The following GLA variants were observed in gnomAD, a reference collection of about 807,000 sequenced individuals.
GLA encodes galactosidase alpha.
Under a neutral mutation model 28.2 loss-of-function variants are expected in GLA, and 4 were observed. That is an observed-to-expected ratio of 0.14 (90% CI 0.07 to 0.32). GLA has a LOEUF of 0.32. Among genes scored for constraint, GLA ranks in the 10% least tolerant of loss-of-function variants. The probability of loss-of-function intolerance (pLI) is 1.00; values close to 1 mark genes in which losing one functional copy is unlikely to be tolerated. For missense variants in GLA, 203 were observed against 323.7 expected, an observed-to-expected ratio of 0.63 and a Z score of 2.86; for synonymous variants, 94 against 113.0, an observed-to-expected ratio of 0.83 and a Z score of 1.07.
At chrX:101,400,567 A>G (rs1170488122) in intron 4 of GLA, 99 bp downstream of exon 4, 14 of 525,789 alleles carry the variant, frequency 2.7e-5, no homozygotes, top group Non-Finnish European at 4.8e-5. Context: ...GTAGGATGAT[A>G]GTAAGTAACG....
In GLA at chrX:101,399,553, C is replaced by A. The variant is rs185121865; in HGVS notation, c.640-607G>T. ...CACTCTAGCCTGGGTGACAGTGAGACTCTGTCGCAAAAAAAAAGTTTGTAG... is the reference window on the plus strand; with the variant it reads ...CACTCTAGCCTGGGTGACAGTGAGAATCTGTCGCAAAAAAAAAGTTTGTAG... On this transcript the variant is annotated intron_variant, in intron 4 of 6. Coordinates refer to ENST00000218516, the MANE Select transcript of GLA (RefSeq NM_000169.3). Among the ~76,000 whole-genome samples, 107 of 111,033 alleles carry A rather than the reference C, an allele frequency of 9.6e-4. No individual in the cohort carries two copies. The highest frequency in any genetic ancestry group is 9.2e-4 in the Non-Finnish European group (49 of 53,139).
chrX:101,402,372 C>T (rs1928346187), intron 2 of GLA, among the ~76,000 whole-genome samples: 1 of 112,061 alleles, frequency 8.9e-6, no homozygotes, highest in Admixed American at 9.5e-5. Context: ...CATCCACTGA[C>T]CCCCTCAATC....
chrX:101,402,653 C>A (rs896985037), intron 2 of GLA, among the ~76,000 whole-genome samples: 1 of 111,201 alleles, frequency 9.0e-6, no homozygotes, highest in Non-Finnish European at 1.9e-5. Context: ...GTCCCAGCTA[C>A]TTGGGAGGCT....
At position 101,407,878 on chromosome X, in the gene GLA, T is replaced by C. The variant is rs1555987214; in HGVS notation, c.26A>G (p.His9Arg). 2 of 1,209,106 alleles carry C rather than the reference T, an allele frequency of 1.7e-6. No individual in the cohort carries two copies. The highest frequency in any genetic ancestry group is 2.2e-6 in the Non-Finnish European group (2 of 894,173). ...GCGAAGCGCAAGCGCGCAGCCCAGA[T>C]GTAGTTCTGGGTTCCTCAGCTGCAT... Reference protein sequence around the residue: MQLRNPELHLGCALALRFL... With the variant: MQLRNPELRLGCALALRFL... The change falls in exon 1 of 7, where the codon CAT (histidine) becomes CGT (arginine). Residue 9 changes from histidine to arginine, a missense_variant. By Grantham distance (29) the His-to-Arg change is conservative. Coordinates refer to ENST00000218516, the MANE Select transcript of GLA (RefSeq NM_000169.3).
rs397515874 is a variant in GLA at position 101,398,857 on chromosome X, C to T, written c.729G>A (p.Leu243=). ...TCTCCTGGTTAAAAGATGTCCAGTC[C>T]AAGATACTCTTTATACTTTTCCAGG... ...DDSWKSIKSI[L]DWTSFNQERI... is the part of the protein sequence containing the mutation. Residue 243 remains leucine, a synonymous_variant, in exon 5 of 7, where the codon TTG becomes TTA. Coordinates refer to ENST00000218516, the MANE Select transcript of GLA (RefSeq NM_000169.3). 3.3e-6 allele frequency: 4 copies of T among 1,208,513 alleles called. No individual in the cohort carries two copies. The highest frequency in any genetic ancestry group is 2.3e-4 in the Middle Eastern group (1 of 4,329).
rs1928125531 is a variant in GLA at position 101,397,969 on chromosome X, G to A, written c.1130C>T (p.Ala377Val). ...TGTGATGAAGCAGGCAGGATTACAG[G>A]CCACTCCTTTACCCAGGGAAGCAAC... ...IAVASLGKGV[A>V]CNPACFITQL... is the part of the protein sequence containing the mutation. The change falls in exon 7 of 7, where the codon GCC (alanine) becomes GTC (valine). Residue 377 changes from alanine to valine, a missense_variant. By Grantham distance (64) the Ala-to-Val change is moderately conservative. Transcript: ENST00000218516. The A allele has an allele frequency of 8.3e-7, 1 of 1,209,568 alleles. No individual in the cohort carries two copies. The highest frequency in any genetic ancestry group is 1.1e-6 in the Non-Finnish European group (1 of 894,700).
intron 2 of GLA, among the ~76,000 whole-genome samples, chrX:101,402,620 G>A (rs889500097): frequency 6.3e-5 from 7 of 111,103 alleles, no homozygotes; most frequent in African/African-American, 2.3e-4. Context: ...AAAATTAGCC[G>A]GGCGTGGTGG....
In GLA at chrX:101,397,896, T is replaced by G; in HGVS notation, c.1203A>C (p.Ser401=). The change falls in exon 7 of 7, where the codon TCA becomes TCC. Residue 401 remains serine, a synonymous_variant. Transcript: ENST00000218516. ...TGGGATTTATGTGACTTCTTAACCT[T>G]GAAGTCCATTCATAGAACCCTAGCT... ...KRKLGFYEWT[S]RLRSHINPTG... 1 of 1,205,085 alleles carries G rather than the reference T, an allele frequency of 8.3e-7. No homozygotes were observed. Among genetic ancestry groups the G allele is most frequent in the South Asian group, 1.8e-5 (1 of 56,874 alleles).
chrX:101,400,963 G>A, intron 3 of GLA: 2 of 277,220 alleles, frequency 7.2e-6, no homozygotes, highest in Non-Finnish European at 6.3e-6. Flanking sequence ...AGCTTCCCAA[G>A]TAGCTGGGAT....
intron 1 of GLA, among the ~76,000 whole-genome samples, chrX:101,407,411 G>A (rs960178206): frequency 1.8e-5 from 2 of 108,899 alleles, no homozygotes; most frequent in African/African-American, 6.8e-5. Flanking sequence ...AACCGGGCAG[G>A]GAGAGAGAGA....
chrX:101,403,733 G>A (rs1341621611), intron 2 of GLA, 78 bp downstream of exon 2: 4 of 1,012,955 alleles, frequency 3.9e-6, no homozygotes, highest in Non-Finnish European at 5.6e-6. Flanking sequence ...CCGGCCATGA[G>A]GGCTGTTTCT....
At chrX:101,401,582 G>T in intron 3 of GLA, 50 bp downstream of exon 3, 1 of 1,038,939 alleles carries the variant, frequency 9.6e-7, no homozygotes. Context: ...CAGCTACCAT[G>T]GCCTCAAAGT....
At chrX:101,404,542 A>G (rs1052293189) in intron 1 of GLA, among the ~76,000 whole-genome samples, 4 of 108,994 alleles carry the variant, frequency 3.7e-5, no homozygotes, top group Non-Finnish European at 7.6e-5. Flanking sequence ...ACAAAGCCCA[A>G]GAGTACTTAG....
At position 101,407,884 on chromosome X, in the gene GLA, T is replaced by C; in HGVS notation, c.20A>G (p.Glu7Gly). 5 of 1,210,829 alleles carry C rather than the reference T, an allele frequency of 4.1e-6. No homozygotes were observed. Among genetic ancestry groups the C allele is most frequent in the Non-Finnish European group, 5.6e-6 (5 of 894,611 alleles). The change falls in exon 1 of 7, where the codon GAA becomes GGA. Residue 7 changes from glutamate to glycine, a missense_variant. Glu to Gly is a moderately conservative substitution (Grantham distance 98, BLOSUM62 -2). This residue lies in a region of GLA where 30 missense variants were observed against 32.2 expected (regional missense o/e 0.93). Transcript: ENST00000218516. MQLRNP[E>G]LHLGCALALR... is the part of the protein sequence containing the mutation. The stretch of plus-strand genomic sequence containing the variant: ...CGCAAGCGCGCAGCCCAGATGTAGT[T>C]CTGGGTTCCTCAGCTGCATTGTCAC...
Position 101,407,924 on chromosome X carries a change from A to C in GLA, c.-21T>G. On this transcript the variant is annotated 5_prime_UTR_variant, in exon 1 of 7. An upstream start codon of the reference 5' UTR is lost. Transcript: ENST00000218516. Reference sequence around the variant, plus strand: ...TGCATTGTCACGGTGACCGGACAGCATAAATTTCCGCGGGTAACCTGGGCT... The same window carrying C: ...TGCATTGTCACGGTGACCGGACAGCCTAAATTTCCGCGGGTAACCTGGGCT... The C allele has an allele frequency of 8.4e-7, 1 of 1,188,863 alleles. No individual in the cohort carries two copies. The highest frequency in any genetic ancestry group is 1.1e-6 in the Non-Finnish European group (1 of 874,976).
intron 1 of GLA, 29 bp downstream of exon 1, chrX:101,407,681 A>G: frequency 8.5e-7 from 1 of 1,172,349 alleles, no homozygotes; most frequent in Non-Finnish European, 1.2e-6. Context: ...TGGAAAAGCA[A>G]AGGGAAGGGA....
chrX:101,403,800 T>C lies in GLA; in HGVS notation c.369+11A>G, dbSNP rs1555986227. The C allele has an allele frequency of 3.3e-6, 4 of 1,203,123 alleles. No individual in the cohort carries two copies. Among genetic ancestry groups the C allele is most frequent in the Non-Finnish European group, 4.5e-6 (4 of 887,441 alleles). On this transcript the variant is annotated intron_variant, in intron 2 of 6. Coordinates refer to ENST00000218516, the MANE Select transcript of GLA (RefSeq NM_000169.3). ...CCTCTGAATGAACAAGAACATTATC[T>C]ATAAACTCACATAATTAGCTAGCTG... is the stretch of plus-strand genomic sequence containing the variant.
At chrX:101,399,560 G>A (rs1320833416) in intron 4 of GLA, among the ~76,000 whole-genome samples, 1 of 111,577 alleles carries the variant, frequency 9.0e-6, no homozygotes, top group Non-Finnish European at 1.9e-5. Flanking sequence ...AGACTCTGTC[G>A]CAAAAAAAAA....
Position 101,403,798 on chromosome X carries a change from T to C in GLA, c.369+13A>G, listed in dbSNP as rs1928399759. The C allele has an allele frequency of 8.3e-7, 1 of 1,200,142 alleles. No individual in the cohort carries two copies. Among genetic ancestry groups the C allele is most frequent in the East Asian group, 3.0e-5 (1 of 33,810 alleles). ...GTCCTCTGAATGAACAAGAACATTA[T>C]CTATAAACTCACATAATTAGCTAGC... On this transcript the variant is annotated intron_variant, in intron 2 of 6. Transcript: ENST00000218516.
Sources: gnomAD v4.1 joint callset for allele counts (sites outside exome capture counted in the v4.1 genomes callset) on GRCh38, gnomAD v4.1.1 for gene constraint, gnomAD v4.1.1 regional missense constraint, MANE v1.5 for transcripts, NCBI Gene and HGNC (gene_info 2026-07-23, HGNC 2026-07-21) for gene names.